Variants in PGAP1 observed in about 807,000 individuals in gnomAD.
PGAP1 encodes the protein GPI inositol-deacylase.
PGAP1 carries 76 observed loss-of-function variants against 127.0 expected under a neutral mutation model. That is an observed-to-expected ratio of 0.60 (90% CI 0.50 to 0.72). The LOEUF (loss-of-function observed/expected upper bound fraction) is 0.72, where lower values mean the gene tolerates loss of function less well. PGAP1 is among the 30% of genes least tolerant of loss of function. The pLI, the probability that PGAP1 is intolerant of heterozygous loss-of-function variation, is 0.00. For synonymous variants in PGAP1, 362 were observed against 366.5 expected (o/e 0.99, Z 0.14); for missense variants, 982 against 1,071.3 (o/e 0.92, Z 1.16).
At chr2:196,875,577 A>G (rs1197904285) in intron 14 of PGAP1, among the ~76,000 whole-genome samples, 169 bp downstream of exon 14, 1 of 152,204 alleles carries the variant, frequency 6.6e-6, no homozygotes. Context: ...TTCACTTCTC[A>G]GAATATGACT....
chr2:196,840,933 T>G lies in PGAP1; in HGVS notation c.*301A>C. ...TACTAAATCTCTCATATCAGACTTC[T>G]CGTACAGTTGATAAAACAGACTATT... On this transcript the variant is annotated 3_prime_UTR_variant, in exon 27 of 27. Coordinates refer to ENST00000354764, the MANE Select transcript of PGAP1 (RefSeq NM_024989.4). 4.4e-6 allele frequency: 1 copy of G among 227,862 alleles called. No homozygotes were observed. Among genetic ancestry groups the G allele is most frequent in the Non-Finnish European group, 8.5e-6 (1 of 118,026 alleles). The allele number at this position is 227,862 out of a possible 1,614,324, so 14.1% of individuals were successfully genotyped here.
In PGAP1 at chr2:196,920,186, T is replaced by C. The variant is rs1378118838; in HGVS notation, c.148-36A>G. ...AAAAAAGTAGTTTCACTTTAATCAG[T>C]TTTATTAATACAATTCAGCCTCACC... On this transcript the variant is annotated intron_variant, in intron 1 of 26. Transcript: ENST00000354764. 5 of 1,566,416 alleles carry C rather than the reference T, an allele frequency of 3.2e-6. No homozygotes were observed. The African/African-American group carries it at 6.8e-5, about 21-fold the overall frequency.
chr2:196,879,949 C>T, intron 13 of PGAP1, 127 bp downstream of exon 13: 2 of 685,812 alleles, frequency 2.9e-6, no homozygotes, highest in Non-Finnish European at 5.1e-6. Flanking sequence ...ATTTAACAGT[C>T]TTAGGTGGAT....
chr2:196,904,800 G>T (rs764106439), intron 4 of PGAP1, among the ~76,000 whole-genome samples: 2 of 151,970 alleles, frequency 1.3e-5, no homozygotes, highest in South Asian at 2.1e-4. Flanking sequence ...CAGGCTCCAC[G>T]TGGGGAGGCT....
At position 196,837,569 on chromosome 2, in the gene PGAP1, T is replaced by C. The variant is rs1427935637; in HGVS notation, c.*3665A>G. 6.6e-6 allele frequency: 1 copy of C among 152,152 alleles called. No homozygotes were observed. Among genetic ancestry groups the C allele is most frequent in the Non-Finnish European group, 1.5e-5 (1 of 68,052 alleles). The allele number at this position is 152,152 out of a possible 1,614,324, so 9.4% of individuals were successfully genotyped here. On this transcript the variant is annotated 3_prime_UTR_variant, in exon 27 of 27. Transcript: ENST00000354764. Reference sequence around the variant, plus strand: ...TGAGCCAAAGAGTTCAAGGCTGCAGTGAACTATGACCGCCCCATTGGACTC... The same window carrying C: ...TGAGCCAAAGAGTTCAAGGCTGCAGCGAACTATGACCGCCCCATTGGACTC...
chr2:196,916,269 C>T, intron 3 of PGAP1, 149 bp downstream of exon 3: 1 of 529,094 alleles, frequency 1.9e-6, no homozygotes, highest in Non-Finnish European at 3.0e-6. Flanking sequence ...TTACGGAGGC[C>T]AAGACAACAG....
At chr2:196,888,515 G>T (rs1297543443) in intron 10 of PGAP1, among the ~76,000 whole-genome samples, 2 of 151,996 alleles carry the variant, frequency 1.3e-5, no homozygotes. Flanking sequence ...GAAAACATAG[G>T]GGATAGAAAT....
chr2:196,869,006 A>G (rs1449875705), intron 19 of PGAP1, among the ~76,000 whole-genome samples: 3 of 152,184 alleles, frequency 2.0e-5, no homozygotes, highest in Middle Eastern at 3.2e-3. Flanking sequence ...TATAGAACTA[A>G]GCTTAAGCTT....
At chr2:196,901,421 G>A (rs1010338664) in intron 5 of PGAP1, among the ~76,000 whole-genome samples, 3 of 152,098 alleles carry the variant, frequency 2.0e-5, no homozygotes, top group African/African-American at 7.2e-5. Flanking sequence ...AACAATAGGT[G>A]AGATGAAAAA....
Position 196,890,873 on chromosome 2 carries a change from A to AT in PGAP1, c.1127dup (p.Asn376LysfsTer3). 6.5e-7 allele frequency: 1 copy of AT among 1,546,736 alleles called. No individual in the cohort carries two copies. Among genetic ancestry groups the AT allele is most frequent in the Non-Finnish European group, 8.9e-7 (1 of 1,119,902 alleles). On this transcript the variant is annotated frameshift_variant, in exon 10 of 27. Transcript: ENST00000354764. LOFTEE classifies it high-confidence loss of function. ...AGACATGAGTGTAGATTTTTCTATG[A>AT]TTTTCAAGAGGAAATGTAAAATATA...
chr2:196,926,155 G>C (rs1047465025), intron 1 of PGAP1, among the ~76,000 whole-genome samples: 1 of 152,132 alleles, frequency 6.6e-6, no homozygotes, highest in Non-Finnish European at 1.5e-5. Context: ...GGCCCGGCCA[G>C]TCAGAAGAGC....
intron 20 of PGAP1, among the ~76,000 whole-genome samples, chr2:196,864,311 A>T (rs1701163474): frequency 6.8e-6 from 1 of 147,894 alleles, no homozygotes; most frequent in Non-Finnish European, 1.5e-5. Flanking sequence ...AATCACATGA[A>T]CCAGGGAGGT....
chr2:196,873,819 A>T, intron 14 of PGAP1, 61 bp from the exon 15 acceptor site: 1 of 1,099,216 alleles, frequency 9.1e-7, no homozygotes, highest in Non-Finnish European at 1.4e-6. Context: ...AAACATACTG[A>T]TTATTTAATT....
chr2:196,922,279 A>T, intron 1 of PGAP1: 1 of 1,173,336 alleles, frequency 8.5e-7, no homozygotes, highest in African/African-American at 1.6e-5. Flanking sequence ...TTATGATATT[A>T]CTTAATTGTA....
intron 4 of PGAP1, among the ~76,000 whole-genome samples, chr2:196,903,453 C>T (rs893234266): frequency 1.1e-4 from 17 of 148,942 alleles, no homozygotes; most frequent in African/African-American, 4.0e-4. Flanking sequence ...CCCAGCTACT[C>T]GGGAGGCTGA....
At chr2:196,903,560 CAAAAAAAA>C (rs11312715) in intron 4 of PGAP1, among the ~76,000 whole-genome samples, 7 of 79,308 alleles carry the variant, frequency 8.8e-5, no homozygotes, top group East Asian at 3.6e-4. Flanking sequence ...GACTCTGTCT[CAAAAAAAA>C]AAAAAAAAAA....
chr2:196,844,962 G>T (rs1700516914), intron 23 of PGAP1, among the ~76,000 whole-genome samples: 1 of 151,806 alleles, frequency 6.6e-6, no homozygotes, highest in African/African-American at 2.4e-5. Flanking sequence ...TATAGTAAAA[G>T]GATATAACAC....
intron 4 of PGAP1, among the ~76,000 whole-genome samples, chr2:196,912,296 T>C (rs989563065): frequency 1.3e-5 from 2 of 152,114 alleles, no homozygotes; most frequent in African/African-American, 4.8e-5. Flanking sequence ...TAACAAAGCA[T>C]AGGAAGTTTA....
rs1180111917 is a variant in PGAP1 at position 196,892,468 on chromosome 2, T to TTG, written c.1034-69_1034-68dup. Reference sequence around the variant, plus strand: ...TTATACTACATAGTTTCTTTCTTCTTTGAATCCTGGTGAAATACTTCTCAA... The same window carrying TTG: ...TTATACTACATAGTTTCTTTCTTCTTTGTGAATCCTGGTGAAATACTTCTCAA... On this transcript the variant is annotated intron_variant, in intron 8 of 26. Coordinates refer to ENST00000354764, the MANE Select transcript of PGAP1 (RefSeq NM_024989.4). 4.3e-6 allele frequency: 3 copies of TTG among 704,602 alleles called. No homozygotes were observed. The African/African-American group carries it at 5.5e-5, about 13-fold the overall frequency. 43.6% of individuals were successfully genotyped at this position (704,602 alleles called of 1,614,324 possible).
Sources: gnomAD v4.1 joint callset for allele counts (sites outside exome capture counted in the v4.1 genomes callset) on GRCh38, gnomAD v4.1.1 for gene constraint, MANE v1.5 for transcripts, NCBI Gene and HGNC (gene_info 2026-07-23, HGNC 2026-07-21) for gene names.